Variants in PCDH11X observed in about 807,000 individuals in gnomAD.
PCDH11X encodes the protein protocadherin-11 X-linked.
In PCDH11X, 18 loss-of-function variants were observed where a neutral mutation model predicts 53.3. The observed-to-expected ratio is 0.34, with a 90% CI of 0.23 to 0.50. PCDH11X has a LOEUF of 0.50. Among genes scored for constraint, PCDH11X ranks in the 20% least tolerant of loss-of-function variants. The pLI is 0.98. For synonymous variants in PCDH11X, 279 were observed against 393.3 expected (o/e 0.71, Z 3.44); for missense variants, 570 against 1,032.4 (o/e 0.55, Z 6.14).
chrX:92,038,889 T>G (rs1429094387), intron 6 of PCDH11X, among the ~76,000 whole-genome samples: 1 of 110,521 alleles, frequency 9.0e-6, no homozygotes, highest in Non-Finnish European at 1.9e-5. Flanking sequence ...GCCTTTCCCC[T>G]TCTGTTATGA....
chrX:91,790,705 C>T (rs1371878810), intron 1 of PCDH11X, among the ~76,000 whole-genome samples: 3 of 110,559 alleles, frequency 2.7e-5, no homozygotes, highest in African/African-American at 9.9e-5. Flanking sequence ...TAGAATACAG[C>T]CGAATAGTCA....
intron 4 of PCDH11X, among the ~76,000 whole-genome samples, chrX:91,834,397 G>C (rs954324223): frequency 1.8e-5 from 2 of 109,330 alleles, no homozygotes; most frequent in African/African-American, 6.7e-5. Flanking sequence ...AGTAGCAAGA[G>C]AGATTGATTT....
chrX:91,956,831 A>G (rs774319910), intron 6 of PCDH11X, among the ~76,000 whole-genome samples: 2,121 of 105,560 alleles, frequency 0.02, 62 homozygotes, highest in African/African-American at 0.071. Flanking sequence ...GTTCTCCTGC[A>G]TGATATCCTG....
In PCDH11X at chrX:91,877,449, A is replaced by T. The variant is rs1212144566; in HGVS notation, c.1209A>T (p.Glu403Asp). The T allele has an allele frequency of 2.5e-6, 3 of 1,211,518 alleles. No homozygotes were observed. Among genetic ancestry groups the T allele is most frequent in the Non-Finnish European group, 3.4e-6 (3 of 895,435 alleles). Residue 403 changes from glutamate (E) to aspartate (D), a missense_variant, in exon 6 of 11, where the codon GAA (glutamate) becomes GAT (aspartate). Physicochemically the swap from Glu to Asp is conservative, Grantham distance 45. This residue lies in a region of PCDH11X where 226 missense variants were observed against 457.5 expected (regional missense o/e 0.49). Coordinates refer to ENST00000682573, the MANE Select transcript of PCDH11X (RefSeq NM_032968.5). ...NGRVTCFTDH[E>D]IPFRLRPVFS... ...GGGTGACATGCTTCACAGATCATGA[A>T]ATCCCTTTCAGATTAAGGCCAGTAT...
At chrX:92,245,795 T>A (rs947005138) in intron 7 of PCDH11X, among the ~76,000 whole-genome samples, 3 of 112,045 alleles carry the variant, frequency 2.7e-5, no homozygotes, top group Non-Finnish European at 5.6e-5. Context: ...TGATGCACCT[T>A]GATTAACCAT....
intron 10 of PCDH11X, among the ~76,000 whole-genome samples, chrX:92,604,367 A>G (rs1311107273): frequency 9.1e-6 from 1 of 110,273 alleles, no homozygotes; most frequent in Non-Finnish European, 1.9e-5. Context: ...ATTAACTTAC[A>G]TTAAGTCAAA....
chrX:92,181,878 G>C (rs1014223146), intron 6 of PCDH11X, among the ~76,000 whole-genome samples: 2 of 112,709 alleles, frequency 1.8e-5, no homozygotes, highest in African/African-American at 6.4e-5. Context: ...CACTCATGGA[G>C]AACTTCTGCT....
At chrX:92,519,844 G>A (rs1465475115) in intron 10 of PCDH11X, among the ~76,000 whole-genome samples, 4 of 107,965 alleles carry the variant, frequency 3.7e-5, no homozygotes, top group African/African-American at 1.0e-4. Context: ...TTGAGCTTTT[G>A]AGGGTTTCTG....
At chrX:91,823,880 A>C (rs921402539) in intron 4 of PCDH11X, among the ~76,000 whole-genome samples, 22 of 109,903 alleles carry the variant, frequency 2.0e-4, no homozygotes, top group Non-Finnish European at 3.8e-4. Context: ...GTGGTGACAA[A>C]ATCTCTCAGC....
rs764917558 is a variant in PCDH11X, at chrX:91,938,595, T to C, written c.3033+59322T>C. 2.7e-3 allele frequency among the ~76,000 whole-genome samples: 301 copies of C among 110,691 alleles called. 3 individuals carry two copies. The highest frequency in any genetic ancestry group is 9.4e-3 in the African/African-American group (288 of 30,549). On this transcript the variant is annotated intron_variant, in intron 6 of 10. Coordinates refer to ENST00000682573, the MANE Select transcript of PCDH11X (RefSeq NM_032968.5). Reference sequence around the variant, plus strand: ...GCACAGGGTCTCCCTTGGGTATTCATCAGCTTGTTGATCAGTGTATTTGTG... The same window carrying C: ...GCACAGGGTCTCCCTTGGGTATTCACCAGCTTGTTGATCAGTGTATTTGTG...
intron 8 of PCDH11X, among the ~76,000 whole-genome samples, chrX:92,271,681 TC>T (rs769038665): frequency 3.6e-5 from 4 of 112,412 alleles, no homozygotes; most frequent in Non-Finnish European, 7.5e-5. Flanking sequence ...GATCCTATTT[TC>T]CTGCTTCAAT....
At chrX:92,217,072 C>A (rs1200158531) in intron 7 of PCDH11X, among the ~76,000 whole-genome samples, 2 of 111,342 alleles carry the variant, frequency 1.8e-5, no homozygotes, top group African/African-American at 6.5e-5. Context: ...TGGAAAGGAA[C>A]AACCGGTACC....
intron 10 of PCDH11X, among the ~76,000 whole-genome samples, chrX:92,556,591 T>G (rs1438094751): frequency 8.9e-6 from 1 of 112,124 alleles, no homozygotes; most frequent in Non-Finnish European, 1.9e-5. Context: ...CTCATGGTCT[T>G]AGGCTGGTCC....
chrX:92,425,438 A>C (rs1307950874), intron 9 of PCDH11X, among the ~76,000 whole-genome samples: 4 of 104,983 alleles, frequency 3.8e-5, no homozygotes, highest in Non-Finnish European at 7.8e-5. Context: ...ATCAAAGGTG[A>C]CTCCATTTTT....
chrX:91,865,686 C>T (rs904703975), intron 5 of PCDH11X, among the ~76,000 whole-genome samples: 6 of 111,874 alleles, frequency 5.4e-5, no homozygotes, highest in African/African-American at 1.6e-4. Context: ...TCTATTGTAC[C>T]GCGACTGAGT....
intron 9 of PCDH11X, among the ~76,000 whole-genome samples, chrX:92,396,844 CAAA>C (rs559098629): frequency 1.4e-4 from 4 of 27,933 alleles, no homozygotes; most frequent in African/African-American, 1.8e-4. Flanking sequence ...GACTCTGTCT[CAAA>C]AAAAAAAAAA....
intron 6 of PCDH11X, among the ~76,000 whole-genome samples, chrX:91,899,365 C>T (rs769650715): frequency 2.3e-4 from 25 of 110,906 alleles, no homozygotes; most frequent in Admixed American, 2.0e-3. Context: ...TTATTCTAGC[C>T]GTGCTGGCAG....
chrX:91,975,779 T>C (rs2062038020), intron 6 of PCDH11X, among the ~76,000 whole-genome samples: 1 of 110,914 alleles, frequency 9.0e-6, no homozygotes, highest in Admixed American at 9.7e-5. Context: ...AAATTGATCA[T>C]TGATAAGGTA....
intron 8 of PCDH11X, among the ~76,000 whole-genome samples, chrX:92,369,397 C>T (rs1257746838): frequency 1.7e-4 from 19 of 111,524 alleles, no homozygotes; most frequent in Non-Finnish European, 2.8e-4. Context: ...CAACTTCAGA[C>T]TGCTGTGCTG....
Sources: gnomAD v4.1 joint callset for allele counts (sites outside exome capture counted in the v4.1 genomes callset) on GRCh38, gnomAD v4.1.1 for gene constraint, gnomAD v4.1.1 regional missense constraint, MANE v1.5 for transcripts, NCBI Gene and HGNC (gene_info 2026-07-23, HGNC 2026-07-21) for gene names.